Variants in RNPEP observed in about 807,000 individuals in gnomAD.
RNPEP encodes aminopeptidase B.
Under a neutral mutation model 70.1 loss-of-function variants are expected in RNPEP, and 57 were observed. That is an observed-to-expected ratio of 0.81 (90% CI 0.66 to 1.01). The LOEUF is 1.01. RNPEP is among the 50% of genes least tolerant of loss of function. RNPEP has a pLI of 0.00. For missense variants in RNPEP, 787 were observed against 852.4 expected (o/e 0.92, Z 0.96); for synonymous variants, 335 against 357.4 (o/e 0.94, Z 0.71).
chr1:201,997,664 G>A (rs898572275), intron 5 of RNPEP, 110 bp downstream of exon 5: 9 of 732,472 alleles, frequency 1.2e-5, no homozygotes, highest in African/African-American at 7.0e-5. Context: ...AAGAGACGAG[G>A]CAGTAGTGTG....
intron 1 of RNPEP, among the ~76,000 whole-genome samples, chr1:201,985,248 T>G (rs1030049531): frequency 2.0e-5 from 3 of 151,698 alleles, no homozygotes; most frequent in Non-Finnish European, 4.4e-5. Flanking sequence ...CATCACTGAC[T>G]GATGGCATTC....
intron 10 of RNPEP, among the ~76,000 whole-genome samples, chr1:202,005,279 C>G (rs1291089276): frequency 6.6e-6 from 1 of 152,174 alleles, no homozygotes; most frequent in Admixed American, 6.5e-5. Context: ...GTCTGGAATC[C>G]CATTGTGTCC....
In RNPEP at chr1:201,982,686, C is replaced by A. The variant is rs1432291279; in HGVS notation, c.20C>A (p.Ser7Tyr). The A allele has an allele frequency of 5.0e-6, 7 of 1,389,734 alleles. No individual in the cohort carries two copies. Among genetic ancestry groups the A allele is most frequent in the Middle Eastern group, 2.3e-4 (1 of 4,352 alleles). 86.1% of individuals were successfully genotyped at this position (1,389,734 alleles called of 1,614,324 possible). Residue 7 changes from serine (S) to tyrosine (Y), a missense_variant, in exon 1 of 11, where the codon TCC becomes TAC. Ser to Tyr is a moderately radical substitution (Grantham distance 144). Coordinates refer to ENST00000295640, the MANE Select transcript of RNPEP (RefSeq NM_020216.4). MASGEH[S>Y]PGSGAARRPL... The stretch of plus-strand genomic sequence containing the variant: ...GCGGCCATGGCGAGCGGCGAGCATT[C>A]CCCCGGCAGCGGCGCGGCCCGGCGG...
At chr1:201,987,284 C>T (rs537755708) in intron 1 of RNPEP, among the ~76,000 whole-genome samples, 5 of 152,240 alleles carry the variant, frequency 3.3e-5, no homozygotes, top group Admixed American at 6.5e-5. Flanking sequence ...CCTATGAAAT[C>T]ATCCTGGAGT....
chr1:202,003,146 G>A (rs371085822), intron 8 of RNPEP, 91 bp from the exon 9 acceptor site: 5 of 830,512 alleles, frequency 6.0e-6, no homozygotes, highest in East Asian at 2.7e-5. Flanking sequence ...GATGGAGAGA[G>A]GAGAAACTTG....
intron 9 of RNPEP, 32 bp from the exon 10 acceptor site, chr1:202,004,322 C>G (rs771625151): frequency 6.2e-7 from 1 of 1,612,786 alleles, no homozygotes; most frequent in East Asian, 2.2e-5. Flanking sequence ...CCCACCGTGA[C>G]CAGCCACAAA....
intron 1 of RNPEP, chr1:201,983,389 G>GAGCC: frequency 6.7e-7 from 1 of 1,502,706 alleles, no homozygotes; most frequent in South Asian, 1.2e-5. Context: ...CCTGGCCCTG[G>GAGCC]AGGCTTGTCC....
chr1:201,983,336 G>C, intron 1 of RNPEP: 1 of 1,468,258 alleles, frequency 6.8e-7, no homozygotes, highest in Non-Finnish European at 9.0e-7. Flanking sequence ...TCCAGCCACT[G>C]GGCGGTGCAT....
At chr1:202,005,464 G>T (rs1684019384) in intron 10 of RNPEP, 94 bp from the exon 11 acceptor site, 31 of 1,428,528 alleles carry the variant, frequency 2.2e-5, no homozygotes, top group Non-Finnish European at 2.9e-5. Context: ...TTAGCACCTA[G>T]CCATGGCTGC....
chr1:201,999,637 G>T (rs754748066), intron 5 of RNPEP, among the ~76,000 whole-genome samples: 1 of 152,210 alleles, frequency 6.6e-6, no homozygotes, highest in Non-Finnish European at 1.5e-5. Context: ...GATTCCCCCA[G>T]TCCTCACTTA....
At chr1:201,992,970 T>C (rs539082776) in intron 3 of RNPEP, among the ~76,000 whole-genome samples, 4 of 152,322 alleles carry the variant, frequency 2.6e-5, no homozygotes, top group Admixed American at 2.0e-4. Flanking sequence ...TCTCACTCCC[T>C]TTAAGCTGTT....
At chr1:201,997,883 C>T (rs964545951) in intron 5 of RNPEP, among the ~76,000 whole-genome samples, 2 of 151,776 alleles carry the variant, frequency 1.3e-5, no homozygotes, top group Non-Finnish European at 2.9e-5. Context: ...CCTGCCTCAG[C>T]CTCCCGAGTA....
intron 4 of RNPEP, among the ~76,000 whole-genome samples, chr1:201,996,966 G>C (rs2102974946): frequency 6.6e-6 from 1 of 152,238 alleles, no homozygotes; most frequent in African/African-American, 2.4e-5. Flanking sequence ...AAAGGCTCCA[G>C]GTTGGTCTTT....
intron 5 of RNPEP, among the ~76,000 whole-genome samples, chr1:201,998,080 T>C (rs1683633304): frequency 6.6e-6 from 1 of 152,240 alleles, no homozygotes; most frequent in African/African-American, 2.4e-5. Flanking sequence ...TTTTCTTCTA[T>C]AGCTGCATAT....
chr1:202,001,301 C>T, intron 6 of RNPEP, 75 bp from the exon 7 acceptor site: 1 of 1,011,950 alleles, frequency 9.9e-7, no homozygotes, highest in Non-Finnish European at 1.6e-6. Context: ...TAGTCTTTGA[C>T]TGTGGAGCTA....
At chr1:201,996,780 C>T (rs1042471841) in intron 4 of RNPEP, among the ~76,000 whole-genome samples, 5 of 152,088 alleles carry the variant, frequency 3.3e-5, no homozygotes, top group Non-Finnish European at 5.9e-5. Flanking sequence ...GTGTGAGCCA[C>T]CAGGCCCGGC....
At position 202,001,541 on chromosome 1, in the gene RNPEP, G is replaced by A. The variant is rs1217389001; in HGVS notation, c.1317+53G>A. On this transcript the variant is annotated intron_variant, in intron 7 of 10. Coordinates refer to ENST00000295640, the MANE Select transcript of RNPEP (RefSeq NM_020216.4). ...AGGAGCGGATAAAGCCACTGGGCCTGATCAAGGGTAGAGGCAGGGGGCGAA... is the reference window on the plus strand; with the variant it reads ...AGGAGCGGATAAAGCCACTGGGCCTAATCAAGGGTAGAGGCAGGGGGCGAA... The A allele has an allele frequency of 3.4e-6, 5 of 1,488,122 alleles. No homozygotes were observed. In the African/African-American group the frequency reaches 5.5e-5, roughly 16 times the overall value. The allele number at this position is 1,488,122 out of a possible 1,614,324, so 92.2% of individuals were successfully genotyped here.
In RNPEP at chr1:201,994,987, T is replaced by A. The variant is rs1445580914; in HGVS notation, c.738-1160T>A. ...GAGCCACCAGGCCCAGCCAGTCTCATTCATATGTCTGTGTGGAAAAGCAGT... is the reference window on the plus strand; with the variant it reads ...GAGCCACCAGGCCCAGCCAGTCTCAATCATATGTCTGTGTGGAAAAGCAGT... On this transcript the variant is annotated intron_variant, in intron 3 of 10. Coordinates refer to ENST00000295640, the MANE Select transcript of RNPEP (RefSeq NM_020216.4). Among the ~76,000 whole-genome samples the A allele has an allele frequency of 2.0e-5, 3 of 152,188 alleles. No homozygotes were observed. In the East Asian group the frequency reaches 5.8e-4, roughly 29 times the overall value.
Position 201,982,881 on chromosome 1 carries a change from C to T in RNPEP, c.215C>T (p.Pro72Leu). ...TAVLDLRCLEPEGAAELRLDS... is the reference protein window; with the variant it reads ...TAVLDLRCLELEGAAELRLDS... ...GTCCTGGACCTGCGCTGCCTGGAGC[C>T]CGAGGGCGCCGCCGAGCTGCGGCTG... Residue 72 changes from proline (P) to leucine (L), a missense_variant, in exon 1 of 11, where the codon CCC becomes CTC. Transcript: ENST00000295640. The T allele has an allele frequency of 7.1e-7, 1 of 1,409,282 alleles. No individual in the cohort carries two copies. The highest frequency in any genetic ancestry group is 3.0e-5 in the East Asian group (1 of 32,888). The allele number at this position is 1,409,282 out of a possible 1,614,324, so 87.3% of individuals were successfully genotyped here. A position where few individuals can be genotyped will look rare whatever the true frequency, so the allele number is the denominator to read the frequency against.
Sources: gnomAD v4.1 joint callset for allele counts (sites outside exome capture counted in the v4.1 genomes callset) on GRCh38, gnomAD v4.1.1 for gene constraint, MANE v1.5 for transcripts, NCBI Gene and HGNC (gene_info 2026-07-23, HGNC 2026-07-21) for gene names.